MYOM2: variants seen among roughly 807,000 people sequenced by gnomAD.
MYOM2 encodes myomesin 2.
MYOM2 carries 254 observed loss-of-function variants against 187.6 expected under a neutral mutation model. The ratio of observed to expected loss-of-function variants is 1.35; its 90% CI spans 1.22 to 1.50. MYOM2 has a LOEUF of 1.50. Among genes scored for constraint, MYOM2 ranks in the 40% most tolerant of loss-of-function variants. MYOM2 has a pLI of 0.00. For missense variants in MYOM2, 2,796 were observed against 1,924.0 expected (o/e 1.45, Z -8.48); for synonymous variants, 981 against 753.8 (o/e 1.30, Z -4.94).
intron 8 of MYOM2, among the ~76,000 whole-genome samples, chr8:2,070,676 A>G (rs1221412470): frequency 6.6e-6 from 1 of 152,234 alleles, no homozygotes; most frequent in Non-Finnish European, 1.5e-5. Flanking sequence ...CAGTTACAGC[A>G]TAGATCACCA....
intron 28 of MYOM2, 111 bp downstream of exon 28, chr8:2,118,063 G>T (rs746589471): frequency 4.2e-5 from 38 of 899,204 alleles, no homozygotes; most frequent in Non-Finnish European, 6.1e-5. Flanking sequence ...GAGGAAACGT[G>T]TGGTGCCTGT....
At chr8:2,049,482 A>G (rs1045766328) in intron 1 of MYOM2, among the ~76,000 whole-genome samples, 1 of 152,202 alleles carries the variant, frequency 6.6e-6, no homozygotes, top group African/African-American at 2.4e-5. Context: ...TAGGTTTTCT[A>G]GCACGTACCC....
intron 3 of MYOM2, among the ~76,000 whole-genome samples, chr8:2,057,118 A>G (rs537413599): frequency 6.0e-4 from 91 of 152,320 alleles, no homozygotes; most frequent in African/African-American, 2.2e-3. Flanking sequence ...TTTTATTAAT[A>G]AATCACATAC....
At chr8:2,085,027 A>G in intron 13 of MYOM2, 1 of 479,992 alleles carries the variant, frequency 2.1e-6, no homozygotes, top group Non-Finnish European at 3.7e-6. Context: ...TTCGGGTGAG[A>G]TTCCTTTCCT....
At chr8:2,143,358 G>T (rs375027012) in intron 35 of MYOM2, 43 bp from the exon 36 acceptor site, 4 of 1,613,114 alleles carry the variant, frequency 2.5e-6, no homozygotes, top group Non-Finnish European at 3.4e-6. Flanking sequence ...CCGTGGGAAC[G>T]TCCCGCAGAT....
Position 2,090,135 on chromosome 8 carries a change from A to G in MYOM2, c.1772A>G (p.His591Arg). The change falls in exon 15 of 37, where the codon CAT becomes CGT. Residue 591 changes from histidine to arginine, a missense_variant. Physicochemically the swap from His to Arg is conservative, Grantham distance 29. Transcript: ENST00000262113. ...TTCCGAGTGCTGTCAGCAAACCGGC[A>G]TGGCCTGAGCGAACCTTCGGAGATA... is the stretch of plus-strand genomic sequence containing the variant. ...YVFRVLSANR[H>R]GLSEPSEITS... The G allele has an allele frequency of 6.2e-7, 1 of 1,614,108 alleles. No homozygotes were observed. Among genetic ancestry groups the G allele is most frequent in the Non-Finnish European group, 8.5e-7 (1 of 1,179,994 alleles).
intron 13 of MYOM2, chr8:2,082,061 G>C (rs763790207): frequency 6.6e-6 from 1 of 152,226 alleles, no homozygotes; most frequent in African/African-American, 2.4e-5. Flanking sequence ...GTGAGACTTA[G>C]ATGGAAAATT....
At position 2,092,394 on chromosome 8, in the gene MYOM2, C is replaced by T. The variant is rs770297806; in HGVS notation, c.1877C>T (p.Thr626Met). 54 of 1,614,018 alleles carry T rather than the reference C, an allele frequency of 3.3e-5. No individual in the cohort carries two copies. The highest frequency in any genetic ancestry group is 3.2e-5 in the Non-Finnish European group (38 of 1,180,020). Residue 626 changes from threonine to methionine, a missense_variant, in exon 16 of 37, where the codon ACG becomes ATG. Physicochemically the swap from Thr to Met is moderately conservative, Grantham distance 81 (BLOSUM62 -1). Coordinates refer to ENST00000262113, the MANE Select transcript of MYOM2 (RefSeq NM_003970.4). ...GRVLASRNTK[T>M]SVVVQWDRPK... ...GTTCTTGCTTCCCGAAACACCAAGACGTCGGTGGTGGTGCAGTGGGACCGA... is the reference window on the plus strand; with the variant it reads ...GTTCTTGCTTCCCGAAACACCAAGATGTCGGTGGTGGTGCAGTGGGACCGA...
At chr8:2,087,119 T>C (rs1209976420) in intron 14 of MYOM2, among the ~76,000 whole-genome samples, 2 of 152,218 alleles carry the variant, frequency 1.3e-5, no homozygotes, top group African/African-American at 4.8e-5. Context: ...TAATCTGACT[T>C]GGTGACGACC....
Position 2,052,206 on chromosome 8 carries a change from G to C in MYOM2, c.156G>C (p.Ser52=), listed in dbSNP as rs141837213. The change falls in exon 3 of 37, where the codon TCG becomes TCC. Residue 52 remains serine, a synonymous_variant. Coordinates refer to ENST00000262113, the MANE Select transcript of MYOM2 (RefSeq NM_003970.4). The part of the protein sequence containing the change: ...ASSQKSLSQR[S]SSQRASSQTS... ...CCCAGAAGTCCTTGAGTCAGCGGTC[G>C]TCTTCACAGAGAGCCTCCAGCCAGA... is the stretch of plus-strand genomic sequence containing the variant. The C allele has an allele frequency of 5.0e-6, 8 of 1,613,174 alleles. No homozygotes were observed. Among genetic ancestry groups the C allele is most frequent in the Non-Finnish European group, 6.8e-6 (8 of 1,179,682 alleles).
At chr8:2,100,164 C>CCTTT in intron 19 of MYOM2, among the ~76,000 whole-genome samples, 1 of 148,000 alleles carries the variant, frequency 6.8e-6, no homozygotes, top group Admixed American at 6.7e-5. Context: ...TTCCTTCCTT[C>CCTTT]CTTCCTTCCT....
In MYOM2 at chr8:2,102,738, G is replaced by C; in HGVS notation, c.2691G>C (p.Lys897Asn). 1 of 1,614,078 alleles carries C rather than the reference G, an allele frequency of 6.2e-7. No homozygotes were observed. Among genetic ancestry groups the C allele is most frequent in the South Asian group, 1.1e-5 (1 of 91,072 alleles). ...VRAVNANGVGKPSDTSEPVLV... is the reference protein window; with the variant it reads ...VRAVNANGVGNPSDTSEPVLV... ...CAGTCAATGCAAATGGCGTGGGGAAGCCCTCAGACACGTCGGAGCCTGTGC... is the reference window on the plus strand; with the variant it reads ...CAGTCAATGCAAATGGCGTGGGGAACCCCTCAGACACGTCGGAGCCTGTGC... Residue 897 changes from lysine (K) to asparagine (N), a missense_variant, in exon 21 of 37, where the codon AAG becomes AAC. Coordinates refer to ENST00000262113, the MANE Select transcript of MYOM2 (RefSeq NM_003970.4).
At chr8:2,054,312 G>A (rs573520507) in intron 3 of MYOM2, among the ~76,000 whole-genome samples, 2 of 152,072 alleles carry the variant, frequency 1.3e-5, no homozygotes, top group South Asian at 2.1e-4. Flanking sequence ...ATACGACCCC[G>A]ATGCTCTGAA....
At chr8:2,127,842 C>G (rs35670997) in intron 31 of MYOM2, 114,439 of 150,218 alleles carry the variant, frequency 0.76, 44,033 homozygotes, top group African/African-American at 0.86. Flanking sequence ...CGTTCTTCCT[C>G]AACTCTGTCA....
intron 25 of MYOM2, among the ~76,000 whole-genome samples, chr8:2,113,218 G>A (rs1368202992): frequency 1.3e-5 from 2 of 152,334 alleles, no homozygotes; most frequent in South Asian, 2.1e-4. Context: ...TTCCCTCGAC[G>A]CCATCGTGCC....
chr8:2,121,243 C>G lies in MYOM2; in HGVS notation c.3454-2009C>G, dbSNP rs577202441. 4.5e-4 allele frequency among the ~76,000 whole-genome samples: 68 copies of G among 152,186 alleles called. No homozygotes were observed. In the East Asian group the frequency reaches 0.012, roughly 27 times the overall value. The stretch of plus-strand genomic sequence containing the variant: ...GGAGTCAGCAACTCAAAGCCCAGAG[C>G]AAGTCAGTGTGACTTGGTTATGGTG... On this transcript the variant is annotated intron_variant, in intron 28 of 36. Transcript: ENST00000262113.
At chr8:2,086,590 C>T (rs1442410313) in intron 14 of MYOM2, among the ~76,000 whole-genome samples, 8 of 151,106 alleles carry the variant, frequency 5.3e-5, no homozygotes, top group Admixed American at 6.6e-5. Context: ...GACCCTGCAC[C>T]GTTGCTGGGG....
At chr8:2,090,391 C>G (rs947968847) in intron 15 of MYOM2, among the ~76,000 whole-genome samples, 200 bp downstream of exon 15, 2 of 152,224 alleles carry the variant, frequency 1.3e-5, no homozygotes, top group South Asian at 2.1e-4. Flanking sequence ...AAAGCTCCAT[C>G]TTCTTTTCAT....
chr8:2,104,061 G>C (rs974753043), intron 21 of MYOM2, among the ~76,000 whole-genome samples: 1 of 152,186 alleles, frequency 6.6e-6, no homozygotes, highest in African/African-American at 2.4e-5. Flanking sequence ...TTCATGCTTG[G>C]CAGGGGTTGT....
Sources: gnomAD v4.1 joint callset for allele counts (sites outside exome capture counted in the v4.1 genomes callset) on GRCh38, gnomAD v4.1.1 for gene constraint, MANE v1.5 for transcripts, NCBI Gene and HGNC (gene_info 2026-07-23, HGNC 2026-07-21) for gene names.